The following CDK13 variants were observed in gnomAD, a reference collection of about 807,000 sequenced individuals.
CDK13 encodes cyclin dependent kinase 13.
Under a neutral mutation model 137.6 loss-of-function variants are expected in CDK13, and 40 were observed. The observed-to-expected ratio is 0.29, with a 90% CI of 0.23 to 0.38. CDK13 has a LOEUF of 0.38. CDK13 is among the 10% of genes least tolerant of loss of function. CDK13 has a pLI of 1.00. For missense variants in CDK13, 1,704 were observed against 1,951.8 expected (o/e 0.87, Z 2.39); for synonymous variants, 869 against 760.1 (o/e 1.14, Z -2.36).
intron 1 of CDK13, among the ~76,000 whole-genome samples, chr7:39,978,666 GCAT>G (rs1484147573): frequency 3.3e-5 from 5 of 152,180 alleles, no homozygotes; most frequent in African/African-American, 1.2e-4. Context: ...CTAGCATAGT[GCAT>G]CTCAGACTTT....
At chr7:40,024,650 T>G (rs773426) in intron 5 of CDK13, among the ~76,000 whole-genome samples, 2,542 of 29,882 alleles carry the variant, frequency 0.085, 24 homozygotes, top group East Asian at 0.34. Context: ...TCTGTGTTTT[T>G]TTTTTTTTTT....
chr7:40,065,815 G>T (rs570751555), intron 9 of CDK13, among the ~76,000 whole-genome samples: 1 of 152,244 alleles, frequency 6.6e-6, no homozygotes, highest in East Asian at 1.9e-4. Flanking sequence ...AGAAACCTAT[G>T]ATCTGGTCTT....
In CDK13 at chr7:39,951,790, C is replaced by G; in HGVS notation, c.1149C>G (p.Ser383=). Residue 383 remains serine, a synonymous_variant, in exon 1 of 14, where the codon TCC becomes TCG. Transcript: ENST00000181839. ...HSSYERGGDV[S]PSPYSSSSWR... is the part of the protein sequence containing the mutation. ...CCTACGAGCGGGGCGGCGACGTGTC[C>G]CCTAGTCCCTACAGCAGCAGCAGCT... 1.4e-6 allele frequency: 2 copies of G among 1,470,484 alleles called. No homozygotes were observed. The highest frequency in any genetic ancestry group is 1.4e-5 in the South Asian group (1 of 70,166). 91.1% of individuals were successfully genotyped at this position (1,470,484 alleles called of 1,614,324 possible).
chr7:40,004,301 G>C (rs1393693518), intron 5 of CDK13, among the ~76,000 whole-genome samples: 1 of 152,038 alleles, frequency 6.6e-6, no homozygotes, highest in East Asian at 1.9e-4. Context: ...GCCTAGCGCT[G>C]CATTTCAGAA....
intron 7 of CDK13, among the ~76,000 whole-genome samples, chr7:40,055,022 A>T (rs1241876725): frequency 1.3e-5 from 2 of 152,190 alleles, no homozygotes; most frequent in Non-Finnish European, 2.9e-5. Flanking sequence ...TTTTAAAAAA[A>T]GTAGAAATTG....
intron 12 of CDK13, among the ~76,000 whole-genome samples, chr7:40,089,315 C>T (rs770556744): frequency 5.4e-4 from 82 of 151,654 alleles, no homozygotes; most frequent in Admixed American, 2.0e-4. Flanking sequence ...TGGCACACAC[C>T]TGTAATCCCA....
In CDK13 at chr7:39,950,509, T is replaced by C. The variant is rs966604839; in HGVS notation, c.-133T>C. The stretch of plus-strand genomic sequence containing the variant: ...ACCCGAGTCCCGACCCGGATTATCG[T>C]GGCGCTTTTCCCGGCCGGCTCTGGT... On this transcript the variant is annotated 5_prime_UTR_variant, in exon 1 of 14. Transcript: ENST00000181839. 31 of 1,268,042 alleles carry C rather than the reference T, an allele frequency of 2.4e-5. No homozygotes were observed. Among genetic ancestry groups the C allele is most frequent in the East Asian group, 6.3e-5 (2 of 31,728 alleles). 78.5% of individuals were successfully genotyped at this position (1,268,042 alleles called of 1,614,324 possible). A position where few individuals can be genotyped will look rare whatever the true frequency, so the allele number is the denominator to read the frequency against.
chr7:39,977,038 A>C (rs1784126853), intron 1 of CDK13, among the ~76,000 whole-genome samples: 1 of 152,176 alleles, frequency 6.6e-6, no homozygotes, highest in Non-Finnish European at 1.5e-5. Flanking sequence ...GGTGCAGATA[A>C]AATGCTATGG....
At chr7:40,074,522 C>CAAA (rs34228836) in intron 9 of CDK13, among the ~76,000 whole-genome samples, 1,011 of 78,036 alleles carry the variant, frequency 0.013, 21 homozygotes, top group African/African-American at 0.042. Context: ...GACACCATCT[C>CAAA]AAAAAAAAAA....
In CDK13 at chr7:40,097,436, T is replaced by C. The variant is rs1048449225; in HGVS notation, c.*2456T>C. On this transcript the variant is annotated 3_prime_UTR_variant, in exon 14 of 14. Coordinates refer to ENST00000181839, the MANE Select transcript of CDK13 (RefSeq NM_003718.5). ...ATTGATGAAATATGATAGTAAAAAA[T>C]TTTAATGCTTCCCTTCATAGCATTT... 6.6e-6 allele frequency: 1 copy of C among 152,086 alleles called. No homozygotes were observed. Among genetic ancestry groups the C allele is most frequent in the African/African-American group, 2.4e-5 (1 of 41,434 alleles). The allele number at this position is 152,086 out of a possible 1,614,324, so 9.4% of individuals were successfully genotyped here.
chr7:40,005,552 C>T (rs1029975098), intron 5 of CDK13, among the ~76,000 whole-genome samples: 1 of 152,030 alleles, frequency 6.6e-6, no homozygotes, highest in Admixed American at 6.6e-5. Flanking sequence ...CTGCCTTGGC[C>T]GCCCAAAGTG....
chr7:39,991,332 G>T (rs1393176824), intron 2 of CDK13, among the ~76,000 whole-genome samples: 1 of 152,198 alleles, frequency 6.6e-6, no homozygotes, highest in Admixed American at 6.5e-5. Context: ...CACTGTAAAT[G>T]TAAAGATCAC....
At chr7:39,965,578 C>T (rs1231640354) in intron 1 of CDK13, among the ~76,000 whole-genome samples, 1 of 152,010 alleles carries the variant, frequency 6.6e-6, no homozygotes, top group Admixed American at 6.6e-5. Flanking sequence ...TCCAATTTGC[C>T]CATCTGTGTC....
chr7:40,045,573 G>A lies in CDK13; in HGVS notation c.2354-263G>A, dbSNP rs562387244. Reference sequence around the variant, plus strand: ...ACACCTAGAAACTATACAATATGGAGAACAGCAGGGTGATTTTTTTTTTTT... The same window carrying A: ...ACACCTAGAAACTATACAATATGGAAAACAGCAGGGTGATTTTTTTTTTTT... On this transcript the variant is annotated intron_variant, in intron 5 of 13. Coordinates refer to ENST00000181839, the MANE Select transcript of CDK13 (RefSeq NM_003718.5). Among the ~76,000 whole-genome samples the A allele has an allele frequency of 1.3e-4, 19 of 150,472 alleles. No individual in the cohort carries two copies. The South Asian group carries it at 2.5e-3, about 20-fold the overall frequency.
At chr7:40,021,110 T>TACAC (rs1284247106) in intron 5 of CDK13, among the ~76,000 whole-genome samples, 4,552 of 81,632 alleles carry the variant, frequency 0.056, 207 homozygotes, top group East Asian at 0.36. Context: ...AACGTATATA[T>TACAC]ATATATATAT....
chr7:39,999,523 A>T, intron 4 of CDK13, 23 bp downstream of exon 4: 1 of 1,576,334 alleles, frequency 6.3e-7, no homozygotes, highest in South Asian at 1.2e-5. Context: ...AGTTCTGGGG[A>T]TCTTTGGGCC....
chr7:40,065,297 C>T (rs1786256512), intron 9 of CDK13, among the ~76,000 whole-genome samples: 1 of 151,970 alleles, frequency 6.6e-6, no homozygotes, highest in Admixed American at 6.6e-5. Flanking sequence ...AACAAAGTCT[C>T]TTAACTATCT....
rs1213089346 is a variant in CDK13 at position 39,963,169 on chromosome 7, T to C, written c.1211+11317T>C. ...TTTCCAATTCTGTGAAGAAAGTCAT[T>C]GGTAGCTTGATGGGGATGGCATTGA... On this transcript the variant is annotated intron_variant, in intron 1 of 13. Transcript: ENST00000181839. Among the ~76,000 whole-genome samples, 11 of 152,164 alleles carry C rather than the reference T, an allele frequency of 7.2e-5. No homozygotes were observed. The East Asian group carries it at 2.1e-3, about 29-fold the overall frequency.
At chr7:40,076,246 G>C (rs572773124) in intron 9 of CDK13, among the ~76,000 whole-genome samples, 131 of 152,280 alleles carry the variant, frequency 8.6e-4, no homozygotes, top group African/African-American at 2.8e-3. Flanking sequence ...AAATAGAAAA[G>C]AGACCTGTAA....
Sources: gnomAD v4.1 joint callset for allele counts (sites outside exome capture counted in the v4.1 genomes callset) on GRCh38, gnomAD v4.1.1 for gene constraint, MANE v1.5 for transcripts, NCBI Gene and HGNC (gene_info 2026-07-23, HGNC 2026-07-21) for gene names.